The following CLSTN2 variants were observed in gnomAD, a reference collection of about 807,000 sequenced individuals.
CLSTN2 encodes calsyntenin-2.
Under a neutral mutation model 101.2 loss-of-function variants are expected in CLSTN2, and 48 were observed. The observed-to-expected ratio is 0.47, with a 90% CI of 0.38 to 0.60. CLSTN2 has a LOEUF of 0.60. CLSTN2 is among the 20% of genes least tolerant of loss of function. The pLI, the probability that CLSTN2 is intolerant of heterozygous loss-of-function variation, is 0.00. For missense variants in CLSTN2, 1,160 were observed against 1,238.2 expected (o/e 0.94, Z 0.95); for synonymous variants, 481 against 463.6 (o/e 1.04, Z -0.48).
At chr3:140,419,802 TAC>T (rs2088479181) in intron 4 of CLSTN2, among the ~76,000 whole-genome samples, 1 of 75,072 alleles carries the variant, frequency 1.3e-5, no homozygotes, top group South Asian at 3.3e-4. Flanking sequence ...TACGTGTATA[TAC>T]GTGTATATAC....
chr3:140,439,734 C>T (rs746310543), intron 5 of CLSTN2, among the ~76,000 whole-genome samples: 20 of 130,728 alleles, frequency 1.5e-4, no homozygotes, highest in Non-Finnish European at 2.8e-4. Flanking sequence ...AACACACACA[C>T]GTGCACGTGC....
intron 2 of CLSTN2, among the ~76,000 whole-genome samples, chr3:140,236,066 C>T (rs2086414647): frequency 6.6e-6 from 1 of 152,088 alleles, no homozygotes; most frequent in Non-Finnish European, 1.5e-5. Context: ...AAGTAATAAC[C>T]CTGTAAAATC....
At chr3:140,220,435 C>A (rs1303258672) in intron 2 of CLSTN2, among the ~76,000 whole-genome samples, 1 of 152,190 alleles carries the variant, frequency 6.6e-6, no homozygotes, top group Non-Finnish European at 1.5e-5. Context: ...CCTTCTTGAG[C>A]CCCATGGTTA....
intron 1 of CLSTN2, among the ~76,000 whole-genome samples, chr3:140,174,113 T>C (rs966595903): frequency 6.6e-6 from 1 of 152,206 alleles, no homozygotes; most frequent in African/African-American, 2.4e-5. Context: ...TAAAACTGAA[T>C]GCTTTTAACA....
At chr3:140,359,741 C>T (rs1200549600) in intron 2 of CLSTN2, among the ~76,000 whole-genome samples, 2 of 152,094 alleles carry the variant, frequency 1.3e-5, no homozygotes, top group South Asian at 2.1e-4. Flanking sequence ...ATAATATCTA[C>T]GTTGCTGAAT....
At chr3:140,508,867 A>G (rs1934738378) in intron 8 of CLSTN2, 1 of 152,224 alleles carries the variant, frequency 6.6e-6, no homozygotes, top group Non-Finnish European at 1.5e-5. Context: ...GGGAGGAGGA[A>G]GAAAGCCTGG....
intron 2 of CLSTN2, among the ~76,000 whole-genome samples, chr3:140,189,669 GT>G (rs2010532113): frequency 6.6e-6 from 1 of 152,090 alleles, no homozygotes; most frequent in South Asian, 2.1e-4. Context: ...CAGATATGTG[GT>G]TTGTAAATAT....
At chr3:140,527,937 G>C (rs1001554554) in intron 8 of CLSTN2, among the ~76,000 whole-genome samples, 7 of 151,806 alleles carry the variant, frequency 4.6e-5, no homozygotes, top group African/African-American at 1.7e-4. Flanking sequence ...GAAAGAGAGG[G>C]GAATGGGTTG....
At chr3:140,372,422 G>T (rs1403019029) in intron 2 of CLSTN2, among the ~76,000 whole-genome samples, 1 of 152,120 alleles carries the variant, frequency 6.6e-6, no homozygotes, top group Non-Finnish European at 1.5e-5. Flanking sequence ...CCTCTTTCTG[G>T]ATGCCATCCC....
chr3:140,115,655 T>C (rs1453591636), intron 1 of CLSTN2, among the ~76,000 whole-genome samples: 1 of 152,234 alleles, frequency 6.6e-6, no homozygotes, highest in Admixed American at 6.5e-5. Context: ...AAAGCCTTTG[T>C]GTTTGACATT....
chr3:140,041,648 T>C (rs2007763868), intron 1 of CLSTN2, among the ~76,000 whole-genome samples: 1 of 152,236 alleles, frequency 6.6e-6, no homozygotes, highest in Non-Finnish European at 1.5e-5. Context: ...GCTTCCATGC[T>C]TTGCACATGT....
At chr3:140,266,137 T>C (rs1042765317) in intron 2 of CLSTN2, among the ~76,000 whole-genome samples, 5 of 152,252 alleles carry the variant, frequency 3.3e-5, no homozygotes. Flanking sequence ...GTGTCTGATC[T>C]CTCTCTGCAC....
intron 2 of CLSTN2, among the ~76,000 whole-genome samples, chr3:140,252,073 G>A (rs1387669908): frequency 6.6e-6 from 1 of 152,132 alleles, no homozygotes; most frequent in Non-Finnish European, 1.5e-5. Context: ...AAGCAAGAGA[G>A]TGACACGATG....
chr3:140,515,835 TAAATATC>T (rs898282474), intron 8 of CLSTN2, among the ~76,000 whole-genome samples: 1 of 152,206 alleles, frequency 6.6e-6, no homozygotes, highest in Non-Finnish European at 1.5e-5. Flanking sequence ...GAATGTTCTG[TAAATATC>T]TGTTAAGTCC....
intron 1 of CLSTN2, among the ~76,000 whole-genome samples, chr3:140,079,290 A>G (rs1457802700): frequency 6.6e-6 from 1 of 152,184 alleles, no homozygotes; most frequent in Admixed American, 6.5e-5. Context: ...TGTATGGTGT[A>G]TGTGACCTTT....
intron 2 of CLSTN2, among the ~76,000 whole-genome samples, chr3:140,400,843 G>T (rs149513884): frequency 1.3e-5 from 2 of 152,206 alleles, no homozygotes; most frequent in African/African-American, 4.8e-5. Context: ...CACTGGGCCT[G>T]CGGTCCCTTG....
intron 1 of CLSTN2, among the ~76,000 whole-genome samples, chr3:140,051,871 G>T (rs1169146604): frequency 1.3e-5 from 2 of 152,228 alleles, no homozygotes; most frequent in African/African-American, 4.8e-5. Flanking sequence ...TGGCAAAACA[G>T]ATCACGTGGC....
chr3:140,063,218 A>T (rs1244529313), intron 1 of CLSTN2, among the ~76,000 whole-genome samples: 1 of 152,168 alleles, frequency 6.6e-6, no homozygotes, highest in African/African-American at 2.4e-5. Flanking sequence ...GACATTCTAT[A>T]TTGCTATGAG....
At chr3:140,406,786 G>A (rs1230949772) in intron 4 of CLSTN2, among the ~76,000 whole-genome samples, 2 of 152,240 alleles carry the variant, frequency 1.3e-5, no homozygotes, top group Admixed American at 6.5e-5. Context: ...CTAGACAAGT[G>A]GAGGTATCTG....
Sources: gnomAD v4.1 joint callset for allele counts (sites outside exome capture counted in the v4.1 genomes callset) on GRCh38, gnomAD v4.1.1 for gene constraint, MANE v1.5 for transcripts, NCBI Gene and HGNC (gene_info 2026-07-23, HGNC 2026-07-21) for gene names.